Variants in XG observed in about 807,000 individuals in gnomAD.
The protein encoded by XG is glycoprotein Xg.
In XG, 24 loss-of-function variants were observed where a neutral mutation model predicts 25.7. The ratio of observed to expected loss-of-function variants is 0.93; its 90% CI spans 0.68 to 1.31. The LOEUF (loss-of-function observed/expected upper bound fraction) is 1.31. Among genes scored for constraint, XG ranks in the 40% most tolerant of loss-of-function variants. The pLI, the probability that XG is intolerant of heterozygous loss-of-function variation, is 0.00. For synonymous variants in XG, 77 were observed against 69.2 expected (o/e 1.11, Z -0.56); for missense variants, 181 against 187.6 (o/e 0.96, Z 0.21).
At chrX:2,762,760 T>G (rs1168568602) in intron 1 of XG, among the ~76,000 whole-genome samples, 1 of 152,284 alleles carries the variant, frequency 6.6e-6, no homozygotes, top group South Asian at 2.1e-4. Flanking sequence ...TGATTTAATT[T>G]TTTTTACTCT....
At chrX:2,809,188 G>A (rs773921841) in intron 9 of XG, among the ~76,000 whole-genome samples, 1 of 111,155 alleles carries the variant, frequency 9.0e-6, no homozygotes, top group Non-Finnish European at 1.9e-5. Flanking sequence ...AGGTAGAGCT[G>A]GATACACACG....
chrX:2,768,749 CAG>C (rs1374194719), intron 1 of XG, among the ~76,000 whole-genome samples: 4 of 152,056 alleles, frequency 2.6e-5, no homozygotes, highest in Non-Finnish European at 5.9e-5. Context: ...GCCTAGGCGA[CAG>C]AGAGAGACGC....
At chrX:2,766,978 G>A (rs1238050298) in intron 1 of XG, among the ~76,000 whole-genome samples, 1 of 152,116 alleles carries the variant, frequency 6.6e-6, no homozygotes, top group Non-Finnish European at 1.5e-5. Context: ...TCTTGGGGAA[G>A]AGGGATTCTA....
At chrX:2,765,907 G>A (rs1381855775) in intron 1 of XG, among the ~76,000 whole-genome samples, 5 of 152,252 alleles carry the variant, frequency 3.3e-5, no homozygotes, top group African/African-American at 1.2e-4. Flanking sequence ...TGGACATGAA[G>A]CAGATTTATT....
At chrX:2,789,897 C>T (rs1461703984) in intron 5 of XG, among the ~76,000 whole-genome samples, 191 bp downstream of exon 5, 1 of 110,270 alleles carries the variant, frequency 9.1e-6, no homozygotes, top group African/African-American at 3.3e-5. Context: ...GGGTCTCGCT[C>T]TGTTGCCCTG....
intron 8 of XG, 144 bp downstream of exon 8, chrX:2,806,889 C>T: frequency 2.0e-6 from 1 of 493,797 alleles, no homozygotes; most frequent in South Asian, 4.1e-5. Flanking sequence ...TTGCATTTTC[C>T]TTGGTCATCC....
At chrX:2,782,724 G>A (rs763885644) in intron 4 of XG, among the ~76,000 whole-genome samples, 4 of 111,464 alleles carry the variant, frequency 3.6e-5, no homozygotes, top group Non-Finnish European at 7.5e-5. Flanking sequence ...CTCAAGCACC[G>A]ATCTTAGGTT....
intron 1 of XG, among the ~76,000 whole-genome samples, chrX:2,762,064 C>G (rs916028592): frequency 6.6e-6 from 1 of 152,134 alleles, no homozygotes; most frequent in African/African-American, 2.4e-5. Flanking sequence ...TCACCCATGT[C>G]CTGAGGGATC....
At chrX:2,758,716 G>GT (rs1310394630) in intron 1 of XG, among the ~76,000 whole-genome samples, 1 of 152,188 alleles carries the variant, frequency 6.6e-6, no homozygotes, top group East Asian at 1.9e-4. Flanking sequence ...CAGGGATGCT[G>GT]GTCAACACCC....
intron 1 of XG, among the ~76,000 whole-genome samples, chrX:2,762,919 C>T (rs1435510832): frequency 6.6e-6 from 1 of 152,178 alleles, no homozygotes; most frequent in Non-Finnish European, 1.5e-5. Flanking sequence ...TTGAGAAGTA[C>T]ATGGAGCAGC....
intron 7 of XG, among the ~76,000 whole-genome samples, chrX:2,805,038 C>T (rs929420062): frequency 1.8e-5 from 2 of 112,381 alleles, no homozygotes; most frequent in Admixed American, 9.4e-5. Context: ...TGTGAGTCAG[C>T]GCTCGGATTA....
intron 1 of XG, among the ~76,000 whole-genome samples, chrX:2,767,264 G>C (rs2050720563): frequency 6.6e-6 from 1 of 152,124 alleles, no homozygotes; most frequent in Non-Finnish European, 1.5e-5. Context: ...TCAAAGTGCT[G>C]TATCACATGG....
intron 2 of XG, among the ~76,000 whole-genome samples, chrX:2,770,823 T>A (rs945198579): frequency 3.9e-5 from 6 of 152,090 alleles, no homozygotes; most frequent in African/African-American, 1.4e-4. Flanking sequence ...GGTTTAGGAA[T>A]ATGCTAGTAT....
intron 10 of XG, among the ~76,000 whole-genome samples, chrX:2,812,925 G>A (rs1343200861): frequency 8.9e-6 from 1 of 111,761 alleles, no homozygotes; most frequent in Non-Finnish European, 1.9e-5. Context: ...TAAGGGCGGG[G>A]TACAGGGGTC....
chrX:2,789,638 C>T lies in XG; in HGVS notation c.191-6C>T, dbSNP rs376991411. On this transcript the variant is annotated splice_region_variant and splice_polypyrimidine_tract_variant and intron_variant, in intron 4 of 10. Coordinates refer to ENST00000644266, the MANE Select transcript of XG (RefSeq NM_001141919.2). ...TTTCTGAAATCATACTGTTGTTTTCCAACAGATATCTACCCAAGGCCAAAG... is the reference window on the plus strand; with the variant it reads ...TTTCTGAAATCATACTGTTGTTTTCTAACAGATATCTACCCAAGGCCAAAG... 62 of 1,155,266 alleles carry T rather than the reference C, an allele frequency of 5.4e-5. No homozygotes were observed. The African/African-American group carries it at 7.9e-4, about 15-fold the overall frequency.
chrX:2,795,230 A>G (rs1226505720), intron 6 of XG, among the ~76,000 whole-genome samples: 1 of 49,245 alleles, frequency 2.0e-5, no homozygotes, highest in African/African-American at 7.6e-5. Context: ...TGCTTTTTAT[A>G]TATATTTATG....
chrX:2,773,912 C>T (rs1384398324), intron 2 of XG, among the ~76,000 whole-genome samples: 14 of 151,878 alleles, frequency 9.2e-5, no homozygotes, highest in African/African-American at 2.4e-4. Context: ...GATGAGAAAC[C>T]TTCTATTAAA....
intron 3 of XG, among the ~76,000 whole-genome samples, chrX:2,778,209 C>T (rs947379429): frequency 4.0e-5 from 6 of 151,646 alleles, no homozygotes; most frequent in African/African-American, 1.5e-4. Flanking sequence ...AAGCATTTCC[C>T]CAGAAATACC....
At chrX:2,811,499 T>TAA (rs11439714) in intron 10 of XG, 47 bp downstream of exon 10, 10,129 of 633,493 alleles carry the variant, frequency 0.016, 18 homozygotes, top group Admixed American at 0.048. Context: ...AAGCCTGATT[T>TAA]AAAAAAAAAA....
Sources: allele counts gnomAD v4.1 joint callset (sites outside exome capture counted in the v4.1 genomes callset), GRCh38; gene constraint gnomAD v4.1.1; transcripts MANE v1.5; gene names NCBI Gene and HGNC (gene_info 2026-07-23, HGNC 2026-07-21).